Variants in RAD9B observed in about 807,000 individuals in gnomAD.
The protein encoded by RAD9B is cell cycle checkpoint control protein RAD9B.
A neutral mutation model predicts 48.3 loss-of-function variants in RAD9B; 41 were observed. That is an observed-to-expected ratio of 0.85 (90% CI 0.66 to 1.10). The LOEUF is 1.10. RAD9B is among the 50% of genes least tolerant of loss of function. The pLI is 0.00. For missense variants in RAD9B, 444 were observed against 485.1 expected (o/e 0.92, Z 0.80); for synonymous variants, 160 against 157.9 (o/e 1.01, Z -0.10).
chr12:110,526,930 G>T (rs996105815), intron 10 of RAD9B, among the ~76,000 whole-genome samples: 1 of 149,124 alleles, frequency 6.7e-6, no homozygotes, highest in Non-Finnish European at 1.5e-5. Flanking sequence ...AAAAAGAAAA[G>T]AAACCATGCC....
intron 4 of RAD9B, among the ~76,000 whole-genome samples, chr12:110,509,338 T>C (rs993606634): frequency 1.3e-5 from 2 of 151,880 alleles, no homozygotes; most frequent in South Asian, 2.1e-4. Context: ...ACTCTTGGGC[T>C]CAAGTGATCT....
chr12:110,508,026 C>T (rs1035368238), intron 4 of RAD9B: 9 of 167,726 alleles, frequency 5.4e-5, no homozygotes, highest in African/African-American at 1.7e-4. Context: ...TAAATTGTTT[C>T]CTATAAAATA....
chr12:110,509,109 C>T (rs991994356), intron 4 of RAD9B, among the ~76,000 whole-genome samples: 6 of 152,112 alleles, frequency 3.9e-5, no homozygotes, highest in Non-Finnish European at 2.9e-5. Context: ...GGACTACAGG[C>T]GCCTGCCACC....
In RAD9B at chr12:110,522,286, A is replaced by G. The variant is rs367783406; in HGVS notation, c.1000A>G (p.Asn334Asp). 6 of 1,613,548 alleles carry G rather than the reference A, an allele frequency of 3.7e-6. No homozygotes were observed. The highest frequency in any genetic ancestry group is 5.1e-6 in the Non-Finnish European group (6 of 1,179,756). The change falls in exon 10 of 11, where the codon AAC (asparagine) becomes GAC (aspartate). Residue 334 changes from asparagine (N) to aspartate (D), a missense_variant. Physicochemically the swap from Asn to Asp is conservative, Grantham distance 23. Coordinates refer to ENST00000409300, the MANE Select transcript of RAD9B (RefSeq NM_001286535.2). The stretch of plus-strand genomic sequence containing the variant: ...GCTTTATCCTAAGGAGACTCTCACA[A>G]ACATATCTGCATTGGAAAACTGTGG... ...RRLYPKETLT[N>D]ISALENCGSP... is the part of the protein sequence containing the mutation.
At chr12:110,526,515 A>G (rs1050079870) in intron 10 of RAD9B, among the ~76,000 whole-genome samples, 5 of 152,212 alleles carry the variant, frequency 3.3e-5, no homozygotes, top group African/African-American at 1.2e-4. Flanking sequence ...TTTGCACGTG[A>G]TGATATACAC....
chr12:110,503,103 G>A (rs2063141456), intron 1 of RAD9B: 1 of 152,322 alleles, frequency 6.6e-6, no homozygotes. Flanking sequence ...AAATTAGCCG[G>A]GCTTAGTGGT....
intron 6 of RAD9B, among the ~76,000 whole-genome samples, chr12:110,516,605 A>G (rs1254623631): frequency 4.0e-5 from 6 of 151,656 alleles, no homozygotes; most frequent in Non-Finnish European, 8.8e-5. Flanking sequence ...AGGTCAGAAG[A>G]TCGAGACCAT....
At chr12:110,515,651 T>C (rs1462979930) in intron 6 of RAD9B, among the ~76,000 whole-genome samples, 1 of 152,156 alleles carries the variant, frequency 6.6e-6, no homozygotes, top group African/African-American at 2.4e-5. Flanking sequence ...CGACAGAGAC[T>C]CTGTCTCAAA....
chr12:110,530,529 C>T lies in RAD9B; in HGVS notation c.1130C>T (p.Ser377Phe). Residue 377 changes from serine to phenylalanine, a missense_variant, in exon 11 of 11, where the codon TCT becomes TTT. Physicochemically the swap from Ser to Phe is radical, Grantham distance 155. Coordinates refer to ENST00000409300, the MANE Select transcript of RAD9B (RefSeq NM_001286535.2). The part of the protein sequence containing the change: ...VPGSLCLRKF[S>F]CMFFGAVSSD... The stretch of plus-strand genomic sequence containing the variant: ...CAGTTCCTTTTTTCCCTCCAGTTTT[C>T]TTGCATGTTCTTTGGAGCAGTTTCT... 6.2e-7 allele frequency: 1 copy of T among 1,613,488 alleles called. No individual in the cohort carries two copies. The highest frequency in any genetic ancestry group is 8.5e-7 in the Non-Finnish European group (1 of 1,179,778).
chr12:110,520,197 G>T (rs1409854333), intron 9 of RAD9B, among the ~76,000 whole-genome samples: 2 of 151,856 alleles, frequency 1.3e-5, no homozygotes, highest in Admixed American at 1.3e-4. Context: ...TTTAGTTTTT[G>T]TTGTTGTTGT....
At chr12:110,527,878 G>C (rs2063995550) in intron 10 of RAD9B, among the ~76,000 whole-genome samples, 1 of 152,134 alleles carries the variant, frequency 6.6e-6, no homozygotes, top group African/African-American at 2.4e-5. Context: ...TGAGGGCATG[G>C]GGGTGGGAGT....
rs565549713 is a variant in RAD9B at position 110,504,104 on chromosome 12, C to G, written c.117+228C>G. 8.7e-5 allele frequency among the ~76,000 whole-genome samples: 13 copies of G among 150,236 alleles called. 1 individual carries two copies. Among genetic ancestry groups the G allele is most frequent in the African/African-American group, 2.9e-4 (12 of 40,920 alleles). ...CACAAACTGGTAGTTAAGAGACTAGCTACGGTCTGCAGGAATGTTTGTTGG... is the reference window on the plus strand; with the variant it reads ...CACAAACTGGTAGTTAAGAGACTAGGTACGGTCTGCAGGAATGTTTGTTGG... On this transcript the variant is annotated intron_variant, in intron 2 of 10. Transcript: ENST00000409300.
chr12:110,513,563 A>G (rs2063524149), intron 5 of RAD9B, among the ~76,000 whole-genome samples: 1 of 151,950 alleles, frequency 6.6e-6, no homozygotes, highest in Non-Finnish European at 1.5e-5. Context: ...AGTAAGGCAT[A>G]TATGTCTTGA....
At position 110,522,297 on chromosome 12, in the gene RAD9B, A is replaced by G. The variant is rs1451970356; in HGVS notation, c.1011A>G (p.Ala337=). ...YPKETLTNIS[A]LENCGSPAMK... ...AGGAGACTCTCACAAACATATCTGCATTGGAAAACTGTGGCAGCCCTGCAA... is the reference window on the plus strand; with the variant it reads ...AGGAGACTCTCACAAACATATCTGCGTTGGAAAACTGTGGCAGCCCTGCAA... The change falls in exon 10 of 11, where the codon GCA becomes GCG. Residue 337 remains alanine (A), a synonymous_variant. Transcript: ENST00000409300. 3 of 1,613,570 alleles carry G rather than the reference A, an allele frequency of 1.9e-6. No individual in the cohort carries two copies. The highest frequency in any genetic ancestry group is 1.1e-5 in the South Asian group (1 of 90,940).
At chr12:110,527,292 T>C (rs2063976336) in intron 10 of RAD9B, among the ~76,000 whole-genome samples, 1 of 152,208 alleles carries the variant, frequency 6.6e-6, no homozygotes, top group South Asian at 2.1e-4. Flanking sequence ...ATCGCTGTGA[T>C]TACATTGGGC....
intron 10 of RAD9B, among the ~76,000 whole-genome samples, chr12:110,525,238 GC>G (rs1408613297): frequency 6.6e-6 from 1 of 151,780 alleles, no homozygotes; most frequent in African/African-American, 2.4e-5. Flanking sequence ...TGATCCACTC[GC>G]CTTGGCCTCC....
chr12:110,505,189 A>G (rs1209171987), intron 2 of RAD9B, among the ~76,000 whole-genome samples: 1 of 152,060 alleles, frequency 6.6e-6, no homozygotes, highest in African/African-American at 2.4e-5. Context: ...ATGTATGTAT[A>G]TATATAGGTG....
chr12:110,508,496 T>C (rs1188425627), intron 4 of RAD9B, among the ~76,000 whole-genome samples: 1 of 152,248 alleles, frequency 6.6e-6, no homozygotes, highest in Non-Finnish European at 1.5e-5. Context: ...GGTAGTTATA[T>C]GATACTATGC....
chr12:110,510,975 G>A (rs1278045576), intron 4 of RAD9B, among the ~76,000 whole-genome samples: 1 of 151,826 alleles, frequency 6.6e-6, no homozygotes, highest in East Asian at 1.9e-4. Context: ...AGAGAGAAAG[G>A]AAGAAGGAGG....
Sources: allele counts gnomAD v4.1 joint callset (sites outside exome capture counted in the v4.1 genomes callset), GRCh38; gene constraint gnomAD v4.1.1; transcripts MANE v1.5; gene names NCBI Gene and HGNC (gene_info 2026-07-23, HGNC 2026-07-21).